Variants in OMA1 observed in about 807,000 individuals in gnomAD.
The protein encoded by OMA1 is OMA1 zinc metallopeptidase, also known as metalloendopeptidase OMA1, mitochondrial.
OMA1 carries 38 observed loss-of-function variants against 30.9 expected under a neutral mutation model. The observed-to-expected ratio is 1.23, with a 90% confidence interval of 0.95 to 1.61. The LOEUF (loss-of-function observed/expected upper bound fraction) is 1.61. OMA1 is among the 40% of genes most tolerant of loss of function. OMA1 has a pLI of 0.00. For synonymous variants in OMA1, 173 were observed against 121.9 expected (o/e 1.42, Z -2.76); for missense variants, 461 against 349.2 (o/e 1.32, Z -2.55).
rs200081094 is a variant in OMA1 at position 58,494,941 on chromosome 1, A to G, written c.1365+11119T>C. ...TGGGTATATACCTAAAGGATTATAAATCATGCTGCTATAAAGACACATGCA... is the reference window on the plus strand; with the variant it reads ...TGGGTATATACCTAAAGGATTATAAGTCATGCTGCTATAAAGACACATGCA... On this transcript the variant is annotated intron_variant, in intron 8 of 8. Transcript: ENST00000371226. Among the ~76,000 whole-genome samples, 31 of 152,360 alleles carry G rather than the reference A, an allele frequency of 2.0e-4. No individual in the cohort carries two copies. The East Asian group carries it at 2.3e-3, about 11-fold the overall frequency.
At chr1:58,492,283 A>G (rs575703225) in intron 8 of OMA1, among the ~76,000 whole-genome samples, 30 of 152,322 alleles carry the variant, frequency 2.0e-4, no homozygotes, top group African/African-American at 7.2e-4. Flanking sequence ...AGGGAAATTT[A>G]TAGCACTAAA....
chr1:58,505,777 T>C (rs1645978743), intron 8 of OMA1, among the ~76,000 whole-genome samples: 1 of 152,164 alleles, frequency 6.6e-6, no homozygotes, highest in South Asian at 2.1e-4. Flanking sequence ...GCCTTGAGTT[T>C]TAAACTTTCA....
intron 3 of OMA1, 123 bp downstream of exon 3, chr1:58,536,390 A>AC (rs1646517556): frequency 1.6e-6 from 1 of 627,712 alleles, no homozygotes; most frequent in Admixed American, 2.9e-5. Flanking sequence ...TTCGGGAAAA[A>AC]AAAATGCTAA....
In OMA1 at chr1:58,480,849, G is replaced by T. The variant is rs1004330942; in HGVS notation, c.*116C>A. On this transcript the variant is annotated 3_prime_UTR_variant, in exon 9 of 9. Coordinates refer to ENST00000371226, the MANE Select transcript of OMA1 (RefSeq NM_145243.5). ...TTTAGATAATATCTGTAATGTACATGATTTGACCCTGAATATCCTTTTTTT... is the reference window on the plus strand; with the variant it reads ...TTTAGATAATATCTGTAATGTACATTATTTGACCCTGAATATCCTTTTTTT... 2 of 648,992 alleles carry T rather than the reference G, an allele frequency of 3.1e-6. No individual in the cohort carries two copies. Among genetic ancestry groups the T allele is most frequent in the Non-Finnish European group, 5.2e-6 (2 of 387,552 alleles). 40.2% of individuals were successfully genotyped at this position (648,992 alleles called of 1,614,324 possible). A position where few individuals can be genotyped will look rare whatever the true frequency, so the allele number is the denominator to read the frequency against.
At chr1:58,508,146 G>C (rs1036242801) in intron 7 of OMA1, among the ~76,000 whole-genome samples, 7 of 152,204 alleles carry the variant, frequency 4.6e-5, no homozygotes, top group African/African-American at 1.7e-4. Context: ...AGACTAGAAA[G>C]TATTCCAAGC....
At chr1:58,494,979 T>C (rs1049059927) in intron 8 of OMA1, among the ~76,000 whole-genome samples, 11 of 152,184 alleles carry the variant, frequency 7.2e-5, no homozygotes, top group East Asian at 5.8e-4. Context: ...CGTATGTTTA[T>C]TGCAGCACTA....
intron 8 of OMA1, among the ~76,000 whole-genome samples, chr1:58,482,948 T>C (rs974101672): frequency 6.6e-6 from 1 of 152,090 alleles, no homozygotes; most frequent in African/African-American, 2.4e-5. Flanking sequence ...ATGGAAAGAA[T>C]GAAAATGGAG....
At chr1:58,487,211 G>C (rs944608566) in intron 8 of OMA1, among the ~76,000 whole-genome samples, 1 of 152,190 alleles carries the variant, frequency 6.6e-6, no homozygotes, top group Non-Finnish European at 1.5e-5. Flanking sequence ...GATTCTTAAT[G>C]TACTTGTTAA....
rs1646367761 is a variant in OMA1 at position 58,527,316 on chromosome 1, T to C, written c.1160A>G (p.Tyr387Cys). ...KLQEYMFNRP[Y>C]SRKLEAEADK... ...AGCTTCGGCCTCCAATTTTCTGCTG[T>C]ATGGTCTATTAAACATATACTAAGA... Residue 387 changes from tyrosine to cysteine, a missense_variant, in exon 7 of 9, where the codon TAC (tyrosine) becomes TGC (cysteine). Coordinates refer to ENST00000371226, the MANE Select transcript of OMA1 (RefSeq NM_145243.5). 5 of 872,196 alleles carry C rather than the reference T, an allele frequency of 5.7e-6. No individual in the cohort carries two copies. The highest frequency in any genetic ancestry group is 2.4e-5 in the East Asian group (1 of 41,638). 54.0% of individuals were successfully genotyped at this position (872,196 alleles called of 1,614,324 possible). A position where few individuals can be genotyped will look rare whatever the true frequency, so the allele number is the denominator to read the frequency against.
intron 8 of OMA1, among the ~76,000 whole-genome samples, chr1:58,481,389 A>G (rs531513701): frequency 1.3e-5 from 2 of 152,290 alleles, no homozygotes; most frequent in South Asian, 4.1e-4. Context: ...TTATTTTAAA[A>G]ACAACAACAA....
chr1:58,495,252 C>T (rs1376917319), intron 8 of OMA1, among the ~76,000 whole-genome samples: 1 of 152,112 alleles, frequency 6.6e-6, no homozygotes, highest in Non-Finnish European at 1.5e-5. Context: ...GGGAACATCA[C>T]ACACAGGGGT....
At chr1:58,516,305 A>G (rs757357702) in intron 7 of OMA1, among the ~76,000 whole-genome samples, 20 of 152,248 alleles carry the variant, frequency 1.3e-4, no homozygotes, top group Non-Finnish European at 2.5e-4. Flanking sequence ...TAAAACTGAT[A>G]GTTTAGTTGC....
chr1:58,546,210 C>A (rs2100509645), intron 1 of OMA1, among the ~76,000 whole-genome samples: 1 of 152,354 alleles, frequency 6.6e-6, no homozygotes, highest in East Asian at 1.9e-4. Context: ...GGCTGGAAAA[C>A]GTGTTCAGTT....
At chr1:58,511,999 C>T (rs2100429425) in intron 7 of OMA1, among the ~76,000 whole-genome samples, 1 of 152,122 alleles carries the variant, frequency 6.6e-6, no homozygotes, top group African/African-American at 2.4e-5. Flanking sequence ...CATTTGTATA[C>T]CAAATAACTG....
rs577404216 is a variant in OMA1 at position 58,503,207 on chromosome 1, C to A, written c.1365+2853G>T. ...AGCGAAAATAAAAAGAAAAAAAATT[C>A]AAGAGAAAATCATATTGTTATCATT... On this transcript the variant is annotated intron_variant, in intron 8 of 8. Transcript: ENST00000371226. Among the ~76,000 whole-genome samples the A allele has an allele frequency of 5.3e-5, 8 of 152,138 alleles. No homozygotes were observed. The South Asian group carries it at 1.7e-3, about 32-fold the overall frequency.
chr1:58,519,451 C>CTTACTGTA (rs1557450843), intron 7 of OMA1, among the ~76,000 whole-genome samples: 1 of 152,112 alleles, frequency 6.6e-6, no homozygotes, highest in Non-Finnish European at 1.5e-5. Flanking sequence ...AGAGCTAGAT[C>CTTACTGTA]GCTGTCCTAC....
At chr1:58,509,600 GA>G (rs36019471) in intron 7 of OMA1, among the ~76,000 whole-genome samples, 84 of 96,534 alleles carry the variant, frequency 8.7e-4, no homozygotes, top group African/African-American at 1.5e-3. Context: ...TACCAAAAAA[GA>G]AAAAAAAAAA....
chr1:58,518,343 GA>G (rs1646204405), intron 7 of OMA1, among the ~76,000 whole-genome samples: 1 of 129,980 alleles, frequency 7.7e-6, no homozygotes, highest in African/African-American at 3.2e-5. Flanking sequence ...GAGAAGAGAA[GA>G]GAAGAGAAGG....
Position 58,534,040 on chromosome 1 carries a change from G to A in OMA1, c.924C>T (p.Phe308=), listed in dbSNP as rs34851388. 3,911 of 870,350 alleles carry A rather than the reference G, an allele frequency of 4.5e-3. 17 individuals carry two copies. The highest frequency in any genetic ancestry group is 5.9e-3 in the Non-Finnish European group (2,953 of 501,130). 53.9% of individuals were successfully genotyped at this position (870,350 alleles called of 1,614,324 possible). Residue 308 remains phenylalanine, a synonymous_variant, in exon 5 of 9, where the codon TTC becomes TTT. Coordinates refer to ENST00000371226, the MANE Select transcript of OMA1 (RefSeq NM_145243.5). The stretch of plus-strand genomic sequence containing the variant: ...CGGTTACACTATTTAAAAATCCAGT[G>A]AAAACAAACATTTGTCCATTCTGCA... ...FVLPNGQMFV[F]TGFLNSVTDI...
Sources: allele counts gnomAD v4.1 joint callset (sites outside exome capture counted in the v4.1 genomes callset), GRCh38; gene constraint gnomAD v4.1.1; transcripts MANE v1.5; gene names NCBI Gene and HGNC (gene_info 2026-07-23, HGNC 2026-07-21).